Variants in FERMT2 observed in about 807,000 individuals in gnomAD.
FERMT2 encodes the protein fermitin family homolog 2.
A neutral mutation model predicts 82.7 loss-of-function variants in FERMT2; 15 were observed. The ratio of observed to expected loss-of-function variants is 0.18; its 90% CI spans 0.12 to 0.28. The LOEUF is 0.28. Ranked by LOEUF, FERMT2 falls within the 10% of genes least tolerant of loss-of-function variation. The probability of loss-of-function intolerance (pLI) is 1.00; values close to 1 mark genes in which losing one functional copy is unlikely to be tolerated. For missense variants in FERMT2, 645 were observed against 809.4 expected (o/e 0.80, Z 2.46); for synonymous variants, 274 against 271.5 (o/e 1.01, Z -0.09).
At chr14:52,906,280 C>T (rs1050390690) in intron 3 of FERMT2, among the ~76,000 whole-genome samples, 49 of 152,108 alleles carry the variant, frequency 3.2e-4, no homozygotes, top group African/African-American at 1.2e-3. Flanking sequence ...TGGAAAGAAC[C>T]GACGGCTAAA....
intron 2 of FERMT2, among the ~76,000 whole-genome samples, chr14:52,943,684 T>A (rs1890196523): frequency 6.6e-6 from 1 of 152,172 alleles, no homozygotes; most frequent in African/African-American, 2.4e-5. Flanking sequence ...GTCTGAAACT[T>A]CATCCAACTG....
chr14:52,894,989 A>G (rs1407052442), intron 3 of FERMT2, among the ~76,000 whole-genome samples: 1 of 152,198 alleles, frequency 6.6e-6, no homozygotes, highest in East Asian at 1.9e-4. Context: ...CAGCACACAT[A>G]TCTGACAAAA....
intron 3 of FERMT2, among the ~76,000 whole-genome samples, chr14:52,908,066 T>C (rs1413189959): frequency 6.6e-6 from 1 of 152,140 alleles, no homozygotes; most frequent in African/African-American, 2.4e-5. Context: ...CACCATTATA[T>C]GGGGTGGCAA....
At chr14:52,946,385 G>A (rs1013422201) in intron 2 of FERMT2, among the ~76,000 whole-genome samples, 2 of 149,860 alleles carry the variant, frequency 1.3e-5, no homozygotes, top group African/African-American at 4.9e-5. Context: ...AGGCATGGCA[G>A]CTCACATCTG....
At chr14:52,926,311 C>T (rs1889269658) in intron 2 of FERMT2, among the ~76,000 whole-genome samples, 1 of 152,066 alleles carries the variant, frequency 6.6e-6, no homozygotes, top group Non-Finnish European at 1.5e-5. Context: ...CAGGAACTCC[C>T]TTACATGTTC....
At chr14:52,898,809 G>A (rs759774627) in intron 3 of FERMT2, among the ~76,000 whole-genome samples, 2 of 152,070 alleles carry the variant, frequency 1.3e-5, no homozygotes, top group Non-Finnish European at 1.5e-5. Flanking sequence ...AAGTATTGAA[G>A]GATAAATAAC....
intron 2 of FERMT2, among the ~76,000 whole-genome samples, chr14:52,947,757 C>G (rs997733567): frequency 1.3e-5 from 2 of 152,126 alleles, no homozygotes; most frequent in African/African-American, 4.8e-5. Flanking sequence ...TGTGTCATGA[C>G]TTCTTTTGTT....
intron 1 of FERMT2, 27 bp from the exon 2 acceptor site, chr14:52,950,604 G>A (rs773154374): frequency 9.3e-6 from 15 of 1,607,744 alleles, no homozygotes; most frequent in African/African-American, 1.3e-5. Flanking sequence ...AATGGCTCTC[G>A]TAAGCGTCAC....
At chr14:52,919,009 CATAT>C in intron 3 of FERMT2, 110 bp downstream of exon 3, 1 of 632,934 alleles carries the variant, frequency 1.6e-6, no homozygotes, top group South Asian at 2.2e-5. Flanking sequence ...CACACACATA[CATAT>C]ATACAGATAG....
intron 10 of FERMT2, among the ~76,000 whole-genome samples, chr14:52,867,388 T>C (rs1336568542): frequency 6.6e-6 from 1 of 152,234 alleles, no homozygotes; most frequent in African/African-American, 2.4e-5. Flanking sequence ...ACTACAGTAC[T>C]GGACATTGTT....
rs372170737 is a variant in FERMT2 at position 52,872,781 on chromosome 14, G to A, written c.1273+18C>T. On this transcript the variant is annotated intron_variant, in intron 10 of 14. Transcript: ENST00000341590. ...GGGGATGCCACCATCAACAACAGCCGTGCCAGGCTCTCCTTACCCCTGAGG... is the reference window on the plus strand; with the variant it reads ...GGGGATGCCACCATCAACAACAGCCATGCCAGGCTCTCCTTACCCCTGAGG... 132 of 1,612,836 alleles carry A rather than the reference G, an allele frequency of 8.2e-5. 1 individual carries two copies. Among genetic ancestry groups the A allele is most frequent in the East Asian group, 2.9e-4 (13 of 44,850 alleles).
intron 2 of FERMT2, among the ~76,000 whole-genome samples, chr14:52,927,310 G>A (rs1461471334): frequency 6.6e-6 from 1 of 151,916 alleles, no homozygotes; most frequent in East Asian, 1.9e-4. Context: ...AAAGCTTTTT[G>A]CTAGAGAAAA....
chr14:52,907,830 A>C (rs748957589), intron 3 of FERMT2, among the ~76,000 whole-genome samples: 23 of 152,190 alleles, frequency 1.5e-4, no homozygotes, highest in Non-Finnish European at 2.2e-4. Flanking sequence ...AGGGAAACAG[A>C]AAAGAAATGG....
intron 3 of FERMT2, among the ~76,000 whole-genome samples, chr14:52,897,694 C>T (rs1887368359): frequency 6.6e-6 from 1 of 151,936 alleles, no homozygotes; most frequent in South Asian, 2.1e-4. Context: ...TAGAAACACT[C>T]GGCCAGGCAC....
At chr14:52,891,225 C>T (rs1429789413) in intron 4 of FERMT2, among the ~76,000 whole-genome samples, 1 of 152,108 alleles carries the variant, frequency 6.6e-6, no homozygotes, top group Non-Finnish European at 1.5e-5. Context: ...ATCATTCTTT[C>T]TGCTTGGACT....
intron 12 of FERMT2, chr14:52,863,521 C>A (rs868185194): frequency 2.6e-5 from 4 of 152,260 alleles, no homozygotes; most frequent in African/African-American, 7.2e-5. Flanking sequence ...TGAAATTCCC[C>A]TGTAAAGGAC....
chr14:52,926,106 A>G (rs935997446), intron 2 of FERMT2, among the ~76,000 whole-genome samples: 4 of 151,862 alleles, frequency 2.6e-5, no homozygotes, highest in African/African-American at 7.3e-5. Context: ...GCTTTCCTCT[A>G]GCTAAAGACT....
chr14:52,915,348 G>T (rs2139626998), intron 3 of FERMT2, among the ~76,000 whole-genome samples: 1 of 152,240 alleles, frequency 6.6e-6, no homozygotes, highest in East Asian at 1.9e-4. Flanking sequence ...GCAAAGAAGA[G>T]GTACTTGCTC....
intron 2 of FERMT2, among the ~76,000 whole-genome samples, chr14:52,920,349 G>A (rs1312283286): frequency 6.6e-6 from 1 of 152,200 alleles, no homozygotes; most frequent in Non-Finnish European, 1.5e-5. Context: ...AAAAAGAACA[G>A]GCCCAGCGTG....
Sources: allele counts gnomAD v4.1 joint callset (sites outside exome capture counted in the v4.1 genomes callset), GRCh38; gene constraint gnomAD v4.1.1; transcripts MANE v1.5; gene names NCBI Gene and HGNC (gene_info 2026-07-23, HGNC 2026-07-21).